MYOF: variants seen among roughly 807,000 people sequenced by gnomAD.
MYOF encodes the protein myoferlin, also known as fer-1-like 3, myoferlin.
MYOF carries 244 observed loss-of-function variants against 284.2 expected under a neutral mutation model. The observed-to-expected ratio is 0.86, with a 90% confidence interval of 0.77 to 0.95. The LOEUF (loss-of-function observed/expected upper bound fraction) is 0.95. Among genes scored for constraint, MYOF ranks in the 40% least tolerant of loss-of-function variants. The pLI, the probability that MYOF is intolerant of heterozygous loss-of-function variation, is 0.00. For synonymous variants in MYOF, 904 were observed against 919.7 expected (o/e 0.98, Z 0.31); for missense variants, 2,496 against 2,560.6 (o/e 0.97, Z 0.54).
chr10:93,355,344 A>G (rs1240461831), intron 31 of MYOF, among the ~76,000 whole-genome samples: 1 of 152,264 alleles, frequency 6.6e-6, no homozygotes, highest in East Asian at 1.9e-4. Context: ...CTATAATCCC[A>G]GCACTTTGGT....
At chr10:93,378,681 A>G (rs11819013) in intron 21 of MYOF, among the ~76,000 whole-genome samples, 81 of 99,312 alleles carry the variant, frequency 8.2e-4, no homozygotes, top group East Asian at 1.8e-3. Flanking sequence ...GTGTGTGTGT[A>G]TGTGTGTGTG....
rs1846106101 is a variant in MYOF, at chr10:93,381,411, C to G, written c.1699-15G>C. 6.2e-7 allele frequency: 1 copy of G among 1,613,538 alleles called. No homozygotes were observed. The highest frequency in any genetic ancestry group is 8.5e-7 in the Non-Finnish European group (1 of 1,179,630). On this transcript the variant is annotated splice_polypyrimidine_tract_variant and intron_variant, in intron 19 of 53. Coordinates refer to ENST00000359263, the MANE Select transcript of MYOF (RefSeq NM_013451.4). ...CGCTGGTATTTCTATAAAGTATGAG[C>G]AGACATAAGGTTCAGTGAAAGGCCA...
intron 43 of MYOF, 104 bp downstream of exon 43, chr10:93,333,117 A>G: frequency 1.0e-6 from 1 of 962,218 alleles, no homozygotes; most frequent in Non-Finnish European, 1.7e-6. Context: ...CTAGTTCACA[A>G]ACACAGTTTC....
chr10:93,343,746 G>A, intron 38 of MYOF, 110 bp downstream of exon 38: 1 of 1,123,056 alleles, frequency 8.9e-7, no homozygotes, highest in Non-Finnish European at 1.3e-6. Context: ...TGGATTGGCT[G>A]ATGATTATAA....
intron 5 of MYOF, among the ~76,000 whole-genome samples, chr10:93,412,366 T>C (rs577002207): frequency 6.6e-6 from 1 of 152,316 alleles, no homozygotes; most frequent in East Asian, 1.9e-4. Flanking sequence ...CTCTTGCCTA[T>C]TCTTGAAGAG....
intron 16 of MYOF, among the ~76,000 whole-genome samples, chr10:93,395,386 C>T (rs1305873587): frequency 3.3e-5 from 5 of 152,216 alleles, no homozygotes; most frequent in Non-Finnish European, 4.4e-5. Flanking sequence ...GACGTTGCAG[C>T]GAGCTGAGAT....
intron 26 of MYOF, among the ~76,000 whole-genome samples, chr10:93,366,116 A>G (rs980230699): frequency 1.3e-5 from 2 of 152,240 alleles, no homozygotes; most frequent in African/African-American, 4.8e-5. Flanking sequence ...GTAGGGCTGT[A>G]GTAAAGATTA....
At chr10:93,328,622 G>A (rs1157010843) in intron 45 of MYOF, 141 bp downstream of exon 45, 7 of 773,412 alleles carry the variant, frequency 9.1e-6, no homozygotes, top group African/African-American at 3.4e-5. Flanking sequence ...GAACTCTGAC[G>A]TGGCTGTTGT....
chr10:93,446,350 G>A (rs2134280927), intron 3 of MYOF, among the ~76,000 whole-genome samples: 1 of 152,290 alleles, frequency 6.6e-6, no homozygotes, highest in African/African-American at 2.4e-5. Context: ...AGTCACTGAT[G>A]GCCTTCAGTC....
rs202052471 is a variant in MYOF at position 93,387,887 on chromosome 10, C to T, written c.1608G>A (p.Arg536=). 8.0e-4 allele frequency: 1,296 copies of T among 1,614,088 alleles called. 3 individuals are homozygous for T. Among genetic ancestry groups the T allele is most frequent in the Admixed American group, 1.2e-3 (70 of 60,024 alleles). ...GAAAAGTGGCTAATTCAACCAAGATCCTGCCTCTGTAGGCAACTCCTTCCC... is the reference window on the plus strand; with the variant it reads ...GAAAAGTGGCTAATTCAACCAAGATTCTGCCTCTGTAGGCAACTCCTTCCC... ...GKGEGVAYRG[R]ILVELATFLE... The change falls in exon 19 of 54, where the codon AGG becomes AGA. Residue 536 remains arginine (R), a synonymous_variant. Transcript: ENST00000359263.
chr10:93,359,211 A>G (rs1190676409), intron 29 of MYOF, among the ~76,000 whole-genome samples: 4 of 152,214 alleles, frequency 2.6e-5, no homozygotes, highest in African/African-American at 9.7e-5. Flanking sequence ...GAGCAAGTCT[A>G]TTTAAACTCT....
At chr10:93,420,147 A>G (rs1368409458) in intron 5 of MYOF, among the ~76,000 whole-genome samples, 1 of 152,218 alleles carries the variant, frequency 6.6e-6, no homozygotes, top group African/African-American at 2.4e-5. Context: ...TGACTTTGGG[A>G]TTCGTGGAAT....
At chr10:93,422,956 C>T (rs1051155372) in intron 5 of MYOF, among the ~76,000 whole-genome samples, 5 of 151,768 alleles carry the variant, frequency 3.3e-5, no homozygotes, top group Admixed American at 1.3e-4. Context: ...CACAAGAGGA[C>T]CCATTTAATA....
Position 93,409,708 on chromosome 10 carries a change from G to A in MYOF, c.465C>T (p.Asp155=). 2.5e-6 allele frequency: 4 copies of A among 1,614,158 alleles called. No homozygotes were observed. Among genetic ancestry groups the A allele is most frequent in the Non-Finnish European group, 3.4e-6 (4 of 1,180,042 alleles). The stretch of plus-strand genomic sequence containing the variant: ...GGCCCCTGACTGCATTGTCCAACCT[G>A]TCTTCATCACCTTCATCTTCTTCCC... ...GDGEEDEGDE[D]RLDNAVRGPG... Residue 155 remains aspartate (D), a synonymous_variant, in exon 6 of 54, where the codon GAC becomes GAT. Transcript: ENST00000359263.
chr10:93,315,063 CA>C (rs919375928), intron 50 of MYOF, among the ~76,000 whole-genome samples: 10 of 152,086 alleles, frequency 6.6e-5, no homozygotes, highest in African/African-American at 2.4e-4. Context: ...CAAACAAAGC[CA>C]AGGGCAAACC....
At chr10:93,389,201 T>C in intron 17 of MYOF, 47 bp from the exon 18 acceptor site, 1 of 1,573,734 alleles carries the variant, frequency 6.4e-7, no homozygotes, top group Non-Finnish European at 8.6e-7. Context: ...TAACATTCAA[T>C]CTATTGAAAT....
At chr10:93,328,496 T>C (rs569287275) in intron 45 of MYOF, among the ~76,000 whole-genome samples, 2 of 152,338 alleles carry the variant, frequency 1.3e-5, no homozygotes, top group African/African-American at 4.8e-5. Flanking sequence ...ATGCATTACA[T>C]GGAAATTAGT....
At position 93,392,903 on chromosome 10, in the gene MYOF, T is replaced by A. The variant is rs1846769621; in HGVS notation, c.1456+14A>T. ...AGGAAGATATAACAGAGAGCAAAAT[T>A]ACGAAGCATAAACCTGTATATGATG... On this transcript the variant is annotated intron_variant, in intron 17 of 53. Coordinates refer to ENST00000359263, the MANE Select transcript of MYOF (RefSeq NM_013451.4). 3 of 1,606,836 alleles carry A rather than the reference T, an allele frequency of 1.9e-6. No individual in the cohort carries two copies. The highest frequency in any genetic ancestry group is 1.7e-5 in the Admixed American group (1 of 59,850).
chr10:93,384,698 G>A (rs1589478815), intron 19 of MYOF, among the ~76,000 whole-genome samples: 2 of 152,252 alleles, frequency 1.3e-5, no homozygotes, highest in East Asian at 1.9e-4. Flanking sequence ...GACTTAGGTG[G>A]GGTTAGGGCC....
Sources: gnomAD v4.1 joint callset for allele counts (sites outside exome capture counted in the v4.1 genomes callset) on GRCh38, gnomAD v4.1.1 for gene constraint, MANE v1.5 for transcripts, NCBI Gene and HGNC (gene_info 2026-07-23, HGNC 2026-07-21) for gene names.